RALYL: variants seen among roughly 807,000 people sequenced by gnomAD.
RALYL encodes the protein RNA-binding Raly-like protein.
Under a neutral mutation model 35.1 loss-of-function variants are expected in RALYL, and 29 were observed. The observed-to-expected ratio is 0.83, with a 90% CI of 0.61 to 1.13. RALYL has a LOEUF of 1.13. Among genes scored for constraint, RALYL ranks in the 50% most tolerant of loss-of-function variants. The probability of loss-of-function intolerance (pLI) is 0.00; values close to 1 mark genes in which losing one functional copy is unlikely to be tolerated. For synonymous variants in RALYL, 120 were observed against 127.6 expected, an observed-to-expected ratio of 0.94 and a Z score of 0.40; for missense variants, 359 against 360.4, an observed-to-expected ratio of 1.00 and a Z score of 0.03.
intron 3 of RALYL, among the ~76,000 whole-genome samples, chr8:84,790,731 A>C (rs1283043345): frequency 6.6e-6 from 1 of 152,200 alleles, no homozygotes; most frequent in East Asian, 1.9e-4. Context: ...CAGTGCAGTT[A>C]CATTGTGGAA....
At chr8:84,515,709 A>T (rs1210382210) in intron 1 of RALYL, among the ~76,000 whole-genome samples, 2 of 152,136 alleles carry the variant, frequency 1.3e-5, no homozygotes, top group East Asian at 1.9e-4. Flanking sequence ...TACAAAAAAA[A>T]TTATTAATAT....
At chr8:84,712,805 AAAC>A (rs201476470) in intron 2 of RALYL, among the ~76,000 whole-genome samples, 1,575 of 144,950 alleles carry the variant, frequency 0.011, 34 homozygotes, top group African/African-American at 0.036. Context: ...TATACATGTG[AAAC>A]AACAAGACAC....
chr8:84,463,584 G>A (rs935628087), intron 1 of RALYL, among the ~76,000 whole-genome samples: 9 of 151,946 alleles, frequency 5.9e-5, no homozygotes, highest in Admixed American at 2.6e-4. Context: ...CAGATTTAGC[G>A]TGTGTCTGAT....
At chr8:84,434,447 A>G (rs1470484644) in intron 1 of RALYL, among the ~76,000 whole-genome samples, 3 of 152,154 alleles carry the variant, frequency 2.0e-5, no homozygotes, top group Non-Finnish European at 4.4e-5. Context: ...TGAAATATTC[A>G]AAAGTATATG....
chr8:84,534,161 A>G (rs988794751), intron 2 of RALYL, among the ~76,000 whole-genome samples: 6 of 152,230 alleles, frequency 3.9e-5, no homozygotes, highest in African/African-American at 1.4e-4. Flanking sequence ...TAGAGCTACA[A>G]CTACATTCAC....
chr8:84,221,586 C>T (rs1822226013), intron 1 of RALYL, among the ~76,000 whole-genome samples: 1 of 151,738 alleles, frequency 6.6e-6, no homozygotes, highest in African/African-American at 2.4e-5. Context: ...AAATAGTACC[C>T]CAAAAAGAGT....
At chr8:84,714,027 TACTC>T (rs1000660910) in intron 2 of RALYL, among the ~76,000 whole-genome samples, 7 of 150,452 alleles carry the variant, frequency 4.7e-5, no homozygotes, top group African/African-American at 9.7e-5. Context: ...CACACACACA[TACTC>T]ACACACACAC....
Position 84,646,826 on chromosome 8 carries a change from G to A in RALYL, c.256+117249G>A, listed in dbSNP as rs189491109. The stretch of plus-strand genomic sequence containing the variant: ...GCCACTTCTGGCACCACTTACTTTC[G>A]CTAAACCCAGTGTTAGGAACCACCA... On this transcript the variant is annotated intron_variant, in intron 2 of 8. Transcript: ENST00000521268. Among the ~76,000 whole-genome samples the A allele has an allele frequency of 2.8e-4, 42 of 151,982 alleles. No homozygotes were observed. The East Asian group carries it at 3.1e-3, about 11-fold the overall frequency.
At chr8:84,235,134 A>C (rs1826222191) in intron 1 of RALYL, among the ~76,000 whole-genome samples, 1 of 152,182 alleles carries the variant, frequency 6.6e-6, no homozygotes. Context: ...GTTTATTATG[A>C]ATATTTTATG....
chr8:84,421,168 C>T (rs909680640), intron 1 of RALYL, among the ~76,000 whole-genome samples: 1 of 118,342 alleles, frequency 8.5e-6, no homozygotes, highest in Non-Finnish European at 1.7e-5. Flanking sequence ...ATTGATTCTT[C>T]CTACCCATCA....
At chr8:84,654,391 A>G (rs144902150) in intron 2 of RALYL, among the ~76,000 whole-genome samples, 4 of 148,382 alleles carry the variant, frequency 2.7e-5, no homozygotes, top group African/African-American at 9.8e-5. Context: ...ATCAGGGTAA[A>G]TGGGATATCC....
intron 6 of RALYL, among the ~76,000 whole-genome samples, chr8:84,868,492 T>A (rs950303885): frequency 4.2e-4 from 64 of 152,316 alleles, no homozygotes; most frequent in African/African-American, 1.5e-3. Context: ...ATGCCCAGCC[T>A]GCTAAGCAAT....
At chr8:84,435,484 A>G (rs2047615423) in intron 1 of RALYL, among the ~76,000 whole-genome samples, 2 of 152,212 alleles carry the variant, frequency 1.3e-5, no homozygotes, top group Admixed American at 1.3e-4. Flanking sequence ...TAGAGAAAAA[A>G]GGGAAAAATA....
chr8:84,380,057 T>TTGTGTG lies in RALYL; in HGVS notation c.-23-149221_-23-149216dup, dbSNP rs60900204. 4.8e-3 allele frequency among the ~76,000 whole-genome samples: 699 copies of TTGTGTG among 147,104 alleles called. 6 individuals carry two copies. The highest frequency in any genetic ancestry group is 0.015 in the African/African-American group (616 of 40,314). On this transcript the variant is annotated intron_variant, in intron 1 of 8. Coordinates refer to ENST00000521268, the MANE Select transcript of RALYL (RefSeq NM_173848.7). The stretch of plus-strand genomic sequence containing the variant: ...GTGGTAGACTATATGCTTCTCAAAA[T>TTGTGTG]TGTGTGTGTGTGTGTGTGTGTGTGT...
At chr8:84,750,006 G>A (rs1260078603) in intron 2 of RALYL, among the ~76,000 whole-genome samples, 1 of 152,106 alleles carries the variant, frequency 6.6e-6, no homozygotes, top group Non-Finnish European at 1.5e-5. Flanking sequence ...TCTGCTCTGG[G>A]AGAAGCCTGG....
At chr8:84,823,745 T>C (rs1249588266) in intron 4 of RALYL, among the ~76,000 whole-genome samples, 1 of 152,026 alleles carries the variant, frequency 6.6e-6, no homozygotes, top group African/African-American at 2.4e-5. Flanking sequence ...CTCCTCATTC[T>C]CTCCTTGTCC....
chr8:84,562,715 T>A (rs1204649672), intron 2 of RALYL, among the ~76,000 whole-genome samples: 1 of 151,876 alleles, frequency 6.6e-6, no homozygotes, highest in Non-Finnish European at 1.5e-5. Flanking sequence ...ACCAGAAACA[T>A]CTGTCTCACT....
chr8:84,231,610 C>T lies in RALYL; in HGVS notation c.-24+47186C>T, dbSNP rs561971134. Among the ~76,000 whole-genome samples the T allele has an allele frequency of 5.9e-5, 9 of 152,230 alleles. 1 individual carries two copies. The highest frequency in any genetic ancestry group is 5.9e-4 in the Admixed American group (9 of 15,278). ...GGCCTTTTTAAAGATTTTACTTTTT[C>T]TGTTTTTAAAACATATTTCTTGGGT... On this transcript the variant is annotated intron_variant, in intron 1 of 8. Transcript: ENST00000521268.
At chr8:84,242,722 A>G (rs1488497658) in intron 1 of RALYL, among the ~76,000 whole-genome samples, 1 of 151,956 alleles carries the variant, frequency 6.6e-6, no homozygotes, top group Admixed American at 6.6e-5. Context: ...TTCCTTGTTG[A>G]CTCTGGACAT....
Sources: allele counts gnomAD v4.1 joint callset (sites outside exome capture counted in the v4.1 genomes callset), GRCh38; gene constraint gnomAD v4.1.1; transcripts MANE v1.5; gene names NCBI Gene and HGNC (gene_info 2026-07-23, HGNC 2026-07-21).